The following TLL2 variants were observed in gnomAD, a reference collection of about 807,000 sequenced individuals.
TLL2 encodes the protein tolloid like 2.
A neutral mutation model predicts 123.0 loss-of-function variants in TLL2; 106 were observed. That is an observed-to-expected ratio of 0.86 (90% CI 0.74 to 1.01). TLL2 has a LOEUF of 1.01. TLL2 is among the 50% of genes least tolerant of loss of function. The probability of loss-of-function intolerance (pLI) is 0.00; values close to 1 mark genes in which losing one functional copy is unlikely to be tolerated. For synonymous variants in TLL2, 494 were observed against 516.8 expected, an observed-to-expected ratio of 0.96 and a Z score of 0.60; for missense variants, 1,332 against 1,336.7, an observed-to-expected ratio of 1.00 and a Z score of 0.06.
rs771345921 is a variant in TLL2, at chr10:96,397,300, T to C, written c.1270A>G (p.Arg424Gly). 2 of 1,610,942 alleles carry C rather than the reference T, an allele frequency of 1.2e-6. No individual in the cohort carries two copies. The highest frequency in any genetic ancestry group is 1.7e-6 in the Non-Finnish European group (2 of 1,178,198). Residue 424 changes from arginine (R) to glycine (G), a missense_variant and splice_region_variant, in exon 11 of 21, where the codon AGG (arginine) becomes GGG (glycine). Arg to Gly is a moderately radical substitution (Grantham distance 125, BLOSUM62 -2). Transcript: ENST00000357947. ...GYWRKAPLLG[R>G]FCGDKIPEPL... ...TCCGGGATCTTATCGCCACAAAACC[T>C]GCCTGGAAAGTGGAAAAAGAAGCAG...
chr10:96,415,727 CTG>C (rs1163664050), intron 7 of TLL2, among the ~76,000 whole-genome samples: 11 of 21,228 alleles, frequency 5.2e-4, no homozygotes, highest in East Asian at 1.2e-3. Context: ...CTCTCTCTCT[CTG>C]TCTCTCTCTG....
intron 3 of TLL2, among the ~76,000 whole-genome samples, chr10:96,435,377 A>G (rs1846786942): frequency 6.6e-6 from 1 of 152,188 alleles, no homozygotes; most frequent in Admixed American, 6.5e-5. Context: ...CTCTTGTCAG[A>G]TATATAATTT....
Position 96,371,760 on chromosome 10 carries a change from C to G in TLL2, c.2663-1445G>C, listed in dbSNP as rs367671939. Among the ~76,000 whole-genome samples the G allele has an allele frequency of 7.9e-5, 12 of 152,324 alleles. No homozygotes were observed. In the East Asian group the frequency reaches 2.3e-3, roughly 29 times the overall value. The stretch of plus-strand genomic sequence containing the variant: ...GACCCCTGGCCTACATCGATGACCC[C>G]GTGCCTTCTGCTGCAGGTTCAGCCA... On this transcript the variant is annotated intron_variant, in intron 19 of 20. Coordinates refer to ENST00000357947, the MANE Select transcript of TLL2 (RefSeq NM_012465.4).
intron 3 of TLL2, among the ~76,000 whole-genome samples, chr10:96,440,307 T>C (rs569915597): frequency 4.4e-4 from 67 of 152,326 alleles, no homozygotes; most frequent in Non-Finnish European, 8.4e-4. Flanking sequence ...GTGGTGAGCA[T>C]TCAATATTTT....
At chr10:96,493,559 G>A (rs1475258) in intron 1 of TLL2, among the ~76,000 whole-genome samples, 31,682 of 152,032 alleles carry the variant, frequency 0.21, 3,567 homozygotes, top group East Asian at 0.41. Flanking sequence ...GGGTAAGGCA[G>A]GACAGGAGGC....
At chr10:96,450,144 T>G (rs1357001751) in intron 2 of TLL2, among the ~76,000 whole-genome samples, 1 of 151,532 alleles carries the variant, frequency 6.6e-6, no homozygotes, top group Non-Finnish European at 1.5e-5. Flanking sequence ...GATGGGTAGG[T>G]GGGTGAATGA....
chr10:96,424,737 GT>G, intron 5 of TLL2, among the ~76,000 whole-genome samples: 1 of 150,860 alleles, frequency 6.6e-6, no homozygotes, highest in South Asian at 2.1e-4. Flanking sequence ...TGCTCACTTT[GT>G]TAGTTCTCAT....
intron 19 of TLL2, among the ~76,000 whole-genome samples, chr10:96,370,979 G>A (rs1275827915): frequency 2.0e-5 from 3 of 152,114 alleles, no homozygotes; most frequent in Non-Finnish European, 4.4e-5. Context: ...GTTGGCCCTG[G>A]TCCCATATAT....
intron 18 of TLL2, 43 bp from the exon 19 acceptor site, chr10:96,373,852 C>A: frequency 6.3e-7 from 1 of 1,583,352 alleles, no homozygotes; most frequent in South Asian, 1.1e-5. Context: ...GCCTGGCGTT[C>A]AGCTGGGGTG....
chr10:96,483,833 T>C (rs1589434032), intron 1 of TLL2, among the ~76,000 whole-genome samples: 1 of 152,112 alleles, frequency 6.6e-6, no homozygotes, highest in South Asian at 2.1e-4. Flanking sequence ...GGCTTCACCA[T>C]GTGATTTATT....
chr10:96,416,773 T>C (rs1846566500), intron 7 of TLL2, among the ~76,000 whole-genome samples: 1 of 152,198 alleles, frequency 6.6e-6, no homozygotes, highest in African/African-American at 2.4e-5. Context: ...ACAAGAGCCG[T>C]CCCCTGTGTA....
chr10:96,391,519 T>C (rs745812556), intron 13 of TLL2, among the ~76,000 whole-genome samples: 4 of 152,110 alleles, frequency 2.6e-5, no homozygotes, highest in Non-Finnish European at 5.9e-5. Flanking sequence ...GGCTTTCAGG[T>C]CTCCTTAGTG....
rs758945857 is a variant in TLL2, at chr10:96,480,426, T to C, written c.209A>G (p.Asp70Gly). Reference protein sequence around the residue: ...VFWGDIALDEDDLKLFHIDKA... With the variant: ...VFWGDIALDEGDLKLFHIDKA... ...GTCAATGTGAAACAGCTTCAAGTCA[T>C]CTTCATCTAAGGCAATGTCTCCCCA... Residue 70 changes from aspartate to glycine, a missense_variant, in exon 2 of 21, where the codon GAT (aspartate) becomes GGT (glycine). Asp to Gly is a moderately conservative substitution (Grantham distance 94, BLOSUM62 -1). Transcript: ENST00000357947. 4.3e-6 allele frequency: 7 copies of C among 1,614,038 alleles called. No individual in the cohort carries two copies. The highest frequency in any genetic ancestry group is 2.2e-5 in the East Asian group (1 of 44,890).
At position 96,381,364 on chromosome 10, in the gene TLL2, T is replaced by C. The variant is rs570818651; in HGVS notation, c.2195-2272A>G. On this transcript the variant is annotated intron_variant, in intron 16 of 20. Transcript: ENST00000357947. ...TCTTCAGCCCAGCGTTTAAGGTCCC[T>C]CATGACCTGGCCTTCTCCAACTTGG... Among the ~76,000 whole-genome samples the C allele has an allele frequency of 2.0e-5, 3 of 152,330 alleles. 1 individual carries two copies. The South Asian group carries it at 6.2e-4, about 32-fold the overall frequency.
chr10:96,424,317 T>C (rs961107185), intron 5 of TLL2, among the ~76,000 whole-genome samples: 3 of 152,170 alleles, frequency 2.0e-5, no homozygotes, highest in Non-Finnish European at 4.4e-5. Context: ...AGAGTGTAAC[T>C]GGATTGTTTG....
chr10:96,400,642 C>A (rs1039672709), intron 10 of TLL2, among the ~76,000 whole-genome samples: 1 of 152,226 alleles, frequency 6.6e-6, no homozygotes, highest in Non-Finnish European at 1.5e-5. Flanking sequence ...CCACACGACA[C>A]TGATCGGCCA....
At chr10:96,378,924 GAAGGGCAGCCCGCCCCCCCAAC>G (rs1564894145) in intron 17 of TLL2, 21 bp downstream of exon 17, 1 of 1,609,768 alleles carries the variant, frequency 6.2e-7, no homozygotes, top group South Asian at 1.1e-5. Flanking sequence ...GGGGTGCGGC[GAAGGGCAGCCCGCCCCCCCAAC>G]AACTGGAGGT....
chr10:96,400,328 ACTTT>A (rs560109824), intron 10 of TLL2, among the ~76,000 whole-genome samples: 47 of 145,280 alleles, frequency 3.2e-4, no homozygotes, highest in African/African-American at 1.2e-3. Flanking sequence ...CATCAGTATC[ACTTT>A]CTTCATCATC....
intron 1 of TLL2, among the ~76,000 whole-genome samples, chr10:96,506,624 C>T (rs754444449): frequency 1.3e-5 from 2 of 151,790 alleles, no homozygotes; most frequent in South Asian, 4.2e-4. Context: ...CTTAGACCCT[C>T]AGCACCCATG....
Sources: allele counts gnomAD v4.1 joint callset (sites outside exome capture counted in the v4.1 genomes callset), GRCh38; gene constraint gnomAD v4.1.1; transcripts MANE v1.5; gene names NCBI Gene and HGNC (gene_info 2026-07-23, HGNC 2026-07-21).